SUPT3H: variants seen among roughly 807,000 people sequenced by gnomAD.
SUPT3H encodes transcription initiation protein SPT3 homolog.
Under a neutral mutation model 44.3 loss-of-function variants are expected in SUPT3H, and 44 were observed. The ratio of observed to expected loss-of-function variants is 0.99; its 90% confidence interval spans 0.78 to 1.28. SUPT3H has a LOEUF of 1.28. Ranked by LOEUF, SUPT3H falls within the 50% of genes most tolerant of loss-of-function variation. The pLI is 0.00. For synonymous variants in SUPT3H, 124 were observed against 125.6 expected (o/e 0.99, Z 0.09); for missense variants, 380 against 387.1 (o/e 0.98, Z 0.15).
At chr6:45,040,610 C>T (rs907391020) in intron 3 of SUPT3H, among the ~76,000 whole-genome samples, 5 of 152,114 alleles carry the variant, frequency 3.3e-5, no homozygotes, top group Non-Finnish European at 7.4e-5. Context: ...AACAAAAAAG[C>T]TTTTCAAAGA....
chr6:44,985,208 TAAATAAATA>T (rs1236886633), intron 6 of SUPT3H, among the ~76,000 whole-genome samples: 1,170 of 32,206 alleles, frequency 0.036, 12 homozygotes, highest in South Asian at 0.078. Context: ...AATAAATAAA[TAAATAAATA>T]AAATAAAATA....
intron 6 of SUPT3H, among the ~76,000 whole-genome samples, chr6:44,975,169 T>TCAAACAAACAAACAAACAAA (rs112143344): frequency 4.0e-5 from 6 of 150,628 alleles, no homozygotes; most frequent in African/African-American, 1.2e-4. Flanking sequence ...AGACTCCATC[T>TCAAACAAACAAACAAACAAA]CAAACAAACA....
Position 44,985,197 on chromosome 6 carries a change from AAAT to A in SUPT3H, c.504+18453_504+18455del, listed in dbSNP as rs1779610610. Among the ~76,000 whole-genome samples, 4 of 44,416 alleles carry A rather than the reference AAAT, an allele frequency of 9.0e-5. 1 individual carries two copies. Among genetic ancestry groups the A allele is most frequent in the Admixed American group, 3.6e-4 (1 of 2,786 alleles). 29.1% of individuals were successfully genotyped at this position (44,416 alleles called of 152,430 possible). On this transcript the variant is annotated intron_variant, in intron 6 of 10. Transcript: ENST00000371459. ...CTACCAAATAAATAAATAAATAAAT[AAAT>A]AAATAAATAAATAAATAAAATAAAA...
chr6:44,886,367 G>C (rs1304220932), intron 10 of SUPT3H, among the ~76,000 whole-genome samples: 2 of 152,122 alleles, frequency 1.3e-5, no homozygotes, highest in Admixed American at 1.3e-4. Flanking sequence ...CAGCCAGAGA[G>C]AAAGGTCGGG....
intron 2 of SUPT3H, among the ~76,000 whole-genome samples, chr6:45,128,322 T>C (rs1249958388): frequency 6.6e-5 from 10 of 150,836 alleles, no homozygotes; most frequent in East Asian, 5.9e-4. Context: ...CTGGCCAACA[T>C]GGTGAAACCC....
At chr6:45,303,336 C>A (rs571465605) in intron 2 of SUPT3H, among the ~76,000 whole-genome samples, 4 of 152,080 alleles carry the variant, frequency 2.6e-5, no homozygotes, top group African/African-American at 9.7e-5. Context: ...AACAGACAAC[C>A]CACAGAGTGG....
intron 10 of SUPT3H, among the ~76,000 whole-genome samples, chr6:44,918,251 C>A (rs1768118799): frequency 6.6e-6 from 1 of 152,162 alleles, no homozygotes; most frequent in African/African-American, 2.4e-5. Context: ...GGAAAGCCTA[C>A]AAAATCCCTA....
At chr6:45,270,327 T>C (rs1387524160) in intron 2 of SUPT3H, among the ~76,000 whole-genome samples, 2 of 152,112 alleles carry the variant, frequency 1.3e-5, no homozygotes, top group East Asian at 1.9e-4. Flanking sequence ...CAGATATGGT[T>C]TGGCTGTGTC....
chr6:44,954,442 A>G, intron 8 of SUPT3H, 53 bp downstream of exon 8: 1 of 1,238,250 alleles, frequency 8.1e-7, no homozygotes, highest in Non-Finnish European at 1.2e-6. Context: ...TCATGGGCAG[A>G]GATAAAGAAA....
intron 3 of SUPT3H, among the ~76,000 whole-genome samples, chr6:45,101,074 A>G (rs1056140215): frequency 1.3e-5 from 2 of 152,250 alleles, no homozygotes; most frequent in Non-Finnish European, 2.9e-5. Context: ...CATTATGTTA[A>G]GAGAAATAAG....
At chr6:44,932,465 A>G (rs1770732944) in intron 10 of SUPT3H, among the ~76,000 whole-genome samples, 188 bp downstream of exon 10, 1 of 152,224 alleles carries the variant, frequency 6.6e-6, no homozygotes, top group South Asian at 2.1e-4. Context: ...TGTAGAAAAA[A>G]AGTGTCCTTC....
chr6:45,173,736 C>T (rs1025153803), intron 2 of SUPT3H, among the ~76,000 whole-genome samples: 2 of 152,228 alleles, frequency 1.3e-5, no homozygotes, highest in East Asian at 3.8e-4. Flanking sequence ...CACATACATA[C>T]TTCAAAAGCC....
chr6:45,125,406 G>T (rs2153581219), intron 2 of SUPT3H, among the ~76,000 whole-genome samples: 1 of 152,144 alleles, frequency 6.6e-6, no homozygotes, highest in African/African-American at 2.4e-5. Context: ...ATTTTGTTTG[G>T]TTTTTGGGTT....
chr6:45,174,649 AAC>A (rs1022559635), intron 2 of SUPT3H, among the ~76,000 whole-genome samples: 8 of 152,198 alleles, frequency 5.3e-5, no homozygotes, highest in East Asian at 1.9e-4. Context: ...CTAAAAGAGG[AAC>A]ACACAGTCTG....
intron 2 of SUPT3H, among the ~76,000 whole-genome samples, chr6:45,183,431 T>C (rs949620274): frequency 6.6e-6 from 1 of 152,164 alleles, no homozygotes; most frequent in Non-Finnish European, 1.5e-5. Context: ...TAATTTATAA[T>C]GAAAATATAA....
chr6:45,356,640 A>T (rs1307945837), intron 2 of SUPT3H, among the ~76,000 whole-genome samples: 2 of 152,044 alleles, frequency 1.3e-5, no homozygotes, highest in Non-Finnish European at 2.9e-5. Context: ...ACTGACCTCA[A>T]GTGATCTGCC....
intron 3 of SUPT3H, among the ~76,000 whole-genome samples, chr6:45,065,729 C>T (rs1211218012): frequency 6.6e-6 from 1 of 151,390 alleles, no homozygotes; most frequent in African/African-American, 2.4e-5. Flanking sequence ...ATAAATTCCT[C>T]AACACATACA....
At chr6:45,286,860 A>G (rs1239267319) in intron 2 of SUPT3H, among the ~76,000 whole-genome samples, 1 of 152,236 alleles carries the variant, frequency 6.6e-6, no homozygotes, top group Non-Finnish European at 1.5e-5. Flanking sequence ...CATCAATGAT[A>G]GACTGGATTA....
intron 10 of SUPT3H, among the ~76,000 whole-genome samples, chr6:44,902,247 T>C (rs529106596): frequency 6.6e-6 from 1 of 152,110 alleles, no homozygotes; most frequent in East Asian, 1.9e-4. Context: ...TAAAGAGTCA[T>C]GATCCATCAG....
Sources: allele counts gnomAD v4.1 joint callset (sites outside exome capture counted in the v4.1 genomes callset), GRCh38; gene constraint gnomAD v4.1.1; transcripts MANE v1.5; gene names NCBI Gene and HGNC (gene_info 2026-07-23, HGNC 2026-07-21).